Variants in NRG3 observed in about 807,000 individuals in gnomAD.
The protein encoded by NRG3 is neuregulin 3, also known as pro-neuregulin-3, membrane-bound isoform.
A neutral mutation model predicts 66.9 loss-of-function variants in NRG3; 31 were observed. The ratio of observed to expected loss-of-function variants is 0.46; its 90% CI spans 0.35 to 0.63. The LOEUF is 0.63. NRG3 is among the 20% of genes least tolerant of loss of function. The pLI, the probability that NRG3 is intolerant of heterozygous loss-of-function variation, is 0.00. For missense variants in NRG3, 910 were observed against 878.9 expected (o/e 1.04, Z -0.45); for synonymous variants, 393 against 359.4 (o/e 1.09, Z -1.06).
chr10:82,244,888 C>T (rs896732516), intron 1 of NRG3, among the ~76,000 whole-genome samples: 5 of 151,978 alleles, frequency 3.3e-5, no homozygotes, highest in African/African-American at 4.8e-5. Flanking sequence ...TGCCCACCAC[C>T]ATGCCCGGCT....
chr10:82,704,823 T>A (rs954704980), intron 2 of NRG3, among the ~76,000 whole-genome samples: 10 of 152,212 alleles, frequency 6.6e-5, no homozygotes, highest in African/African-American at 9.6e-5. Flanking sequence ...CAAAATATTT[T>A]AAAATTTTCA....
chr10:82,820,053 C>T (rs573728429), intron 3 of NRG3, among the ~76,000 whole-genome samples: 17 of 152,148 alleles, frequency 1.1e-4, no homozygotes, highest in Non-Finnish European at 2.2e-4. Context: ...AGTCTACTTA[C>T]AGGATGGTTT....
chr10:81,878,689 G>A (rs773343476), intron 1 of NRG3, among the ~76,000 whole-genome samples: 5 of 151,932 alleles, frequency 3.3e-5, no homozygotes, highest in Non-Finnish European at 5.9e-5. Context: ...GGGTCTTTCC[G>A]TCCTTTCTTT....
At chr10:82,637,823 A>G (rs1565153371) in intron 2 of NRG3, among the ~76,000 whole-genome samples, 1 of 152,224 alleles carries the variant, frequency 6.6e-6, no homozygotes, top group African/African-American at 2.4e-5. Flanking sequence ...TGAAAATTAG[A>G]TGATAGCCCT....
chr10:82,809,394 G>C (rs1285442450), intron 3 of NRG3, among the ~76,000 whole-genome samples: 1 of 151,388 alleles, frequency 6.6e-6, no homozygotes, highest in Non-Finnish European at 1.5e-5. Context: ...TTTATAAAAT[G>C]TGAAAAAAAC....
At chr10:82,298,084 C>T (rs1180545685) in intron 1 of NRG3, among the ~76,000 whole-genome samples, 2 of 151,896 alleles carry the variant, frequency 1.3e-5, no homozygotes, top group Non-Finnish European at 2.9e-5. Flanking sequence ...GTGGAGGCTG[C>T]AATGAGCTAT....
rs373879205 is a variant in NRG3, at chr10:81,899,350, C to T, written c.823+23187C>T. Among the ~76,000 whole-genome samples the T allele has an allele frequency of 1.4e-4, 21 of 152,328 alleles. 1 individual carries two copies. The highest frequency in any genetic ancestry group is 2.1e-4 in the South Asian group (1 of 4,828). Reference sequence around the variant, plus strand: ...TTTCACCTAACATTTTGTTAGTTTACGTGAAATAGTCAACAGATATGAAGA... The same window carrying T: ...TTTCACCTAACATTTTGTTAGTTTATGTGAAATAGTCAACAGATATGAAGA... On this transcript the variant is annotated intron_variant, in intron 1 of 8. Transcript: ENST00000372141.
In NRG3 at chr10:82,956,902, T is replaced by A. The variant is rs1297419601; in HGVS notation, c.1158-2047T>A. 1.3e-5 allele frequency among the ~76,000 whole-genome samples: 2 copies of A among 151,992 alleles called. 1 individual carries two copies. Among genetic ancestry groups the A allele is most frequent in the African/African-American group, 4.8e-5 (2 of 41,248 alleles). On this transcript the variant is annotated intron_variant, in intron 5 of 8. Transcript: ENST00000372141. ...ATTATTACAACAGGATTAAAGCAAC[T>A]AAGAGTGCTAGAGATAAAAGTCTCC... is the stretch of plus-strand genomic sequence containing the variant.
intron 2 of NRG3, among the ~76,000 whole-genome samples, chr10:82,461,315 A>G (rs1309208395): frequency 1.3e-5 from 2 of 151,858 alleles, no homozygotes; most frequent in Non-Finnish European, 2.9e-5. Context: ...TATCATCAAC[A>G]CCATCACCAC....
At chr10:82,444,943 G>C (rs2090635460) in intron 2 of NRG3, among the ~76,000 whole-genome samples, 1 of 152,134 alleles carries the variant, frequency 6.6e-6, no homozygotes. Context: ...CGTAACATGT[G>C]AAAGAATAAA....
chr10:82,122,966 T>C (rs2068191612), intron 1 of NRG3, among the ~76,000 whole-genome samples: 1 of 150,014 alleles, frequency 6.7e-6, no homozygotes, highest in African/African-American at 2.5e-5. Flanking sequence ...GATTTCTCTA[T>C]AAGAGAATAG....
At chr10:82,577,994 A>G (rs549913736) in intron 2 of NRG3, among the ~76,000 whole-genome samples, 1 of 151,716 alleles carries the variant, frequency 6.6e-6, no homozygotes, top group Admixed American at 6.6e-5. Flanking sequence ...ATATGCTCTA[A>G]GTATCTTCTC....
At chr10:81,880,205 G>C (rs886386883) in intron 1 of NRG3, among the ~76,000 whole-genome samples, 3 of 152,040 alleles carry the variant, frequency 2.0e-5, no homozygotes, top group Non-Finnish European at 2.9e-5. Flanking sequence ...GTGTTGGCAA[G>C]GATATTTTTA....
At chr10:82,248,516 C>G (rs1268993346) in intron 1 of NRG3, among the ~76,000 whole-genome samples, 1 of 152,116 alleles carries the variant, frequency 6.6e-6, no homozygotes. Context: ...TGCTGGGTGA[C>G]CATCTGCATG....
intron 2 of NRG3, among the ~76,000 whole-genome samples, chr10:82,523,298 A>G (rs1448404940): frequency 6.6e-6 from 1 of 152,156 alleles, no homozygotes; most frequent in Non-Finnish European, 1.5e-5. Context: ...ACTGTACTAT[A>G]TGGTAACTTT....
chr10:82,371,739 G>C (rs527679002), intron 2 of NRG3, among the ~76,000 whole-genome samples: 27 of 152,252 alleles, frequency 1.8e-4, no homozygotes, highest in African/African-American at 6.3e-4. Context: ...AAGGTCTCAG[G>C]GTGCTTCCAC....
chr10:82,579,120 A>G lies in NRG3; in HGVS notation c.954-159457A>G, dbSNP rs186565085. On this transcript the variant is annotated intron_variant, in intron 2 of 8. Coordinates refer to ENST00000372141, the MANE Select transcript of NRG3 (RefSeq NM_001010848.4). ...ATTTCATGAAGAGGCAAAAAGGGTA[A>G]TTGTAGTGTGCAGTTAATTAGAATT... 2.6e-5 allele frequency among the ~76,000 whole-genome samples: 4 copies of G among 151,952 alleles called. No individual in the cohort carries two copies. In the East Asian group the frequency reaches 7.8e-4, roughly 30 times the overall value.
chr10:82,041,815 T>G (rs1309750104), intron 1 of NRG3, among the ~76,000 whole-genome samples: 2 of 84,946 alleles, frequency 2.4e-5, no homozygotes, highest in African/African-American at 6.0e-5. Flanking sequence ...TACTGATCTC[T>G]CTCTCTCTCT....
rs375361214 is a variant in NRG3 at position 82,954,870 on chromosome 10, G to T, written c.1157+3299G>T. On this transcript the variant is annotated intron_variant, in intron 5 of 8. Transcript: ENST00000372141. ...CTTTTCCAAAACCTTGGGGAGAACAGAATATCCAAACTCTACCTTGACCTT... is the reference window on the plus strand; with the variant it reads ...CTTTTCCAAAACCTTGGGGAGAACATAATATCCAAACTCTACCTTGACCTT... 1.1e-4 allele frequency among the ~76,000 whole-genome samples: 17 copies of T among 151,614 alleles called. No homozygotes were observed. In the East Asian group the frequency reaches 1.7e-3, roughly 16 times the overall value.
Sources: gnomAD v4.1 joint callset for allele counts (sites outside exome capture counted in the v4.1 genomes callset) on GRCh38, gnomAD v4.1.1 for gene constraint, MANE v1.5 for transcripts, NCBI Gene and HGNC (gene_info 2026-07-23, HGNC 2026-07-21) for gene names.